TNS3: variants seen among roughly 807,000 people sequenced by gnomAD.
TNS3 encodes tensin-3.
TNS3 carries 45 observed loss-of-function variants against 140.9 expected under a neutral mutation model. The ratio of observed to expected loss-of-function variants is 0.32; its 90% CI spans 0.25 to 0.41. The LOEUF (loss-of-function observed/expected upper bound fraction) is 0.41, where lower values mean the gene tolerates loss of function less well. Among genes scored for constraint, TNS3 ranks in the 10% least tolerant of loss-of-function variants. The pLI is 1.00. For synonymous variants in TNS3, 815 were observed against 788.4 expected (o/e 1.03, Z -0.56); for missense variants, 1,716 against 1,906.7 (o/e 0.90, Z 1.86).
At chr7:47,284,814 C>G (rs1299760231) in intron 27 of TNS3, among the ~76,000 whole-genome samples, 3 of 152,214 alleles carry the variant, frequency 2.0e-5, no homozygotes, top group African/African-American at 7.2e-5. Context: ...GAGTGTTTTC[C>G]CACAGTCTAC....
At chr7:47,325,686 G>A (rs1466086205) in intron 20 of TNS3, among the ~76,000 whole-genome samples, 1 of 152,094 alleles carries the variant, frequency 6.6e-6, no homozygotes. Context: ...TGTCTCAGGT[G>A]AGCCTAATGT....
chr7:47,506,794 C>T, intron 3 of TNS3, 113 bp downstream of exon 3: 1 of 801,310 alleles, frequency 1.2e-6, no homozygotes, highest in Non-Finnish European at 1.8e-6. Context: ...CCTGGCTTTC[C>T]TAAAGAGTTT....
intron 28 of TNS3, among the ~76,000 whole-genome samples, chr7:47,281,370 C>T (rs1441224833): frequency 6.6e-6 from 1 of 152,212 alleles, no homozygotes; most frequent in Non-Finnish European, 1.5e-5. Flanking sequence ...CAACTCAACA[C>T]TCTGCTGTGT....
intron 1 of TNS3, among the ~76,000 whole-genome samples, chr7:47,543,789 T>C (rs1208050700): frequency 6.6e-6 from 1 of 152,204 alleles, no homozygotes; most frequent in Non-Finnish European, 1.5e-5. Context: ...GCACGCAGCC[T>C]GTCCCCACCC....
chr7:47,552,641 G>A (rs1225727126), intron 1 of TNS3, among the ~76,000 whole-genome samples: 1 of 152,088 alleles, frequency 6.6e-6, no homozygotes, highest in African/African-American at 2.4e-5. Context: ...ATAAGACTGC[G>A]AACTCAATGG....
intron 20 of TNS3, among the ~76,000 whole-genome samples, chr7:47,327,102 T>C (rs1788066456): frequency 6.6e-6 from 1 of 152,192 alleles, no homozygotes; most frequent in Admixed American, 6.5e-5. Context: ...GCGCCAGCCC[T>C]GCCCGTGCTA....
intron 4 of TNS3, among the ~76,000 whole-genome samples, chr7:47,460,144 C>T (rs1261293753): frequency 2.0e-5 from 3 of 146,360 alleles, no homozygotes; most frequent in African/African-American, 5.1e-5. Flanking sequence ...ACCTGAGAGG[C>T]GGAGCTTGCA....
chr7:47,481,039 T>C (rs1317706709), intron 4 of TNS3, 64 bp downstream of exon 4: 2 of 1,228,392 alleles, frequency 1.6e-6, no homozygotes, highest in Admixed American at 2.4e-5. Flanking sequence ...GGGAGCAGCT[T>C]CAAGAAAGGA....
intron 17 of TNS3, among the ~76,000 whole-genome samples, chr7:47,367,564 C>T (rs767834327): frequency 6.6e-5 from 10 of 152,344 alleles, no homozygotes; most frequent in East Asian, 1.9e-4. Flanking sequence ...ACCAGCCTCA[C>T]GGGAAAAGGA....
At chr7:47,372,719 C>T (rs1331931237) in intron 16 of TNS3, among the ~76,000 whole-genome samples, 1 of 152,174 alleles carries the variant, frequency 6.6e-6, no homozygotes, top group Non-Finnish European at 1.5e-5. Context: ...GCCCAGGTGG[C>T]GTTCAACCAC....
chr7:47,330,907 A>G (rs1788302423), intron 20 of TNS3, among the ~76,000 whole-genome samples: 1 of 152,106 alleles, frequency 6.6e-6, no homozygotes, highest in African/African-American at 2.4e-5. Flanking sequence ...CACCAGCCTC[A>G]CGGGTCCTAC....
chr7:47,399,673 A>G (rs139699932), intron 15 of TNS3, among the ~76,000 whole-genome samples: 14 of 152,344 alleles, frequency 9.2e-5, no homozygotes, highest in Non-Finnish European at 1.5e-4. Flanking sequence ...ATAAAAATCA[A>G]CTCAAGATGG....
chr7:47,560,983 T>C (rs868469354), intron 1 of TNS3, among the ~76,000 whole-genome samples: 2 of 152,284 alleles, frequency 1.3e-5, no homozygotes. Context: ...ACCCCAGGGA[T>C]TTTCAGGTGT....
chr7:47,446,663 C>A (rs1400651682), intron 4 of TNS3, among the ~76,000 whole-genome samples: 1 of 143,856 alleles, frequency 7.0e-6, no homozygotes, highest in Admixed American at 7.1e-5. Flanking sequence ...GGTAAGCCTG[C>A]AAAGACCGCC....
In TNS3 at chr7:47,368,854, C is replaced by G. The variant is rs1790875610; in HGVS notation, c.1792G>C (p.Ala598Pro). 6.2e-7 allele frequency: 1 copy of G among 1,613,658 alleles called. No individual in the cohort carries two copies. Residue 598 changes from alanine (A) to proline (P), a missense_variant, in exon 17 of 31, where the codon GCT becomes CCT. By Grantham distance (27) the Ala-to-Pro change is conservative (BLOSUM62 -1). Coordinates refer to ENST00000311160, the MANE Select transcript of TNS3 (RefSeq NM_022748.12). ...TWVRQQQMVVAHQYSFAPDGE... is the reference protein window; with the variant it reads ...TWVRQQQMVVPHQYSFAPDGE... ...TCTGGGGCGAAGCTATACTGGTGAG[C>G]TACAACCATCTGCTGCTGGCGCACC... is the stretch of plus-strand genomic sequence containing the variant.
intron 16 of TNS3, among the ~76,000 whole-genome samples, chr7:47,393,743 C>T (rs1474056135): frequency 6.6e-6 from 1 of 152,190 alleles, no homozygotes; most frequent in Non-Finnish European, 1.5e-5. Context: ...AATGACAAAG[C>T]TGTGAATCTG....
chr7:47,385,779 C>T (rs1792039558), intron 16 of TNS3, among the ~76,000 whole-genome samples: 1 of 152,182 alleles, frequency 6.6e-6, no homozygotes, highest in East Asian at 1.9e-4. Flanking sequence ...GTGGCTCCCC[C>T]GCCGCTTTTC....
At chr7:47,574,878 T>A (rs1201602820) in intron 1 of TNS3, among the ~76,000 whole-genome samples, 1 of 152,096 alleles carries the variant, frequency 6.6e-6, no homozygotes, top group Non-Finnish European at 1.5e-5. Context: ...GGGGAGTTAG[T>A]GCTTAAGGGA....
chr7:47,432,738 T>C (rs906459689), intron 8 of TNS3, among the ~76,000 whole-genome samples: 61 of 152,218 alleles, frequency 4.0e-4, no homozygotes, highest in African/African-American at 1.5e-3. Flanking sequence ...CAGATGGAGG[T>C]GGCCATGTTC....
Sources: allele counts gnomAD v4.1 joint callset (sites outside exome capture counted in the v4.1 genomes callset), GRCh38; gene constraint gnomAD v4.1.1; transcripts MANE v1.5; gene names NCBI Gene and HGNC (gene_info 2026-07-23, HGNC 2026-07-21).